OR2G6: variants seen among roughly 807,000 people sequenced by gnomAD.
The protein encoded by OR2G6 is olfactory receptor 2G6.
For synonymous variants in OR2G6, 183 were observed against 155.2 expected (o/e 1.18, Z -1.33); for missense variants, 457 against 391.3 (o/e 1.17, Z -1.42).
chr1:248,521,225 AATAT>A (rs144719989), intron 1 of OR2G6, among the ~76,000 whole-genome samples: 9 of 151,910 alleles, frequency 5.9e-5, no homozygotes, highest in Admixed American at 1.3e-4. Flanking sequence ...CATCTCAAAA[AATAT>A]ATATATTTGT....
intron 1 of OR2G6, among the ~76,000 whole-genome samples, chr1:248,521,365 G>A (rs1402547783): frequency 6.6e-6 from 1 of 152,100 alleles, no homozygotes; most frequent in Admixed American, 6.6e-5. Context: ...TAAGCAAAGA[G>A]TGAATAAATA....
chr1:248,520,587 T>C (rs1664262453), intron 1 of OR2G6, among the ~76,000 whole-genome samples: 1 of 152,154 alleles, frequency 6.6e-6, no homozygotes, highest in African/African-American at 2.4e-5. Context: ...AAGATTTGTA[T>C]AGAGGTCGGG....
In OR2G6 at chr1:248,521,967, G is replaced by C. The variant is rs2103061397; in HGVS notation, c.321G>C (p.Leu107Phe). Residue 107 changes from leucine to phenylalanine, a missense_variant, in exon 2 of 2, where the codon TTG becomes TTC. Coordinates refer to ENST00000641804, the MANE Select transcript of OR2G6 (RefSeq NM_001013355.2). ...CCCAGCTCTATGTGGCCATGGGGTT[G>C]GGCTCGTCTGAGTGTATTCTCTTGG... ...CVAQLYVAMG[L>F]GSSECILLAV... The C allele has an allele frequency of 6.2e-7, 1 of 1,614,136 alleles. No homozygotes were observed. Among genetic ancestry groups the C allele is most frequent in the Non-Finnish European group, 8.5e-7 (1 of 1,180,006 alleles).
Position 248,522,556 on chromosome 1 carries a change from C to A in OR2G6, c.910C>A (p.Leu304Met). ...NKDVKGALRT[L>M]ILGSAAGQSH... ...AGATGTGAAAGGGGCCTTGAGGACC[C>A]TGATACTGGGTAGTGCTGCTGGACA... is the stretch of plus-strand genomic sequence containing the variant. Residue 304 changes from leucine to methionine, a missense_variant, in exon 2 of 2, where the codon CTG becomes ATG. Transcript: ENST00000641804. 2.5e-6 allele frequency: 4 copies of A among 1,613,746 alleles called. No homozygotes were observed. Among genetic ancestry groups the A allele is most frequent in the Non-Finnish European group, 3.4e-6 (4 of 1,179,910 alleles).
Position 248,522,587 on chromosome 1 carries a change from A to C in OR2G6, c.941A>C (p.His314Pro). The change falls in exon 2 of 2, where the codon CAC becomes CCC. Residue 314 changes from histidine to proline, a missense_variant. Coordinates refer to ENST00000641804, the MANE Select transcript of OR2G6 (RefSeq NM_001013355.2). The stretch of plus-strand genomic sequence containing the variant: ...CTGGGTAGTGCTGCTGGACAAAGCC[A>C]CAAGGACTAGGAAACACCTGGAATT... ...LILGSAAGQS[H>P]KD 6.2e-7 allele frequency: 1 copy of C among 1,604,564 alleles called. No individual in the cohort carries two copies. The highest frequency in any genetic ancestry group is 8.5e-7 in the Non-Finnish European group (1 of 1,176,426).
chr1:248,522,093 G>T lies in OR2G6; in HGVS notation c.447G>T (p.Trp149Cys), dbSNP rs771155581. ...RFCASLAGGA[W>C]LSGLITSLIQ... ...GTGCGTCTCTGGCCGGTGGAGCATG[G>T]CTCAGCGGCCTCATCACCTCCCTAA... Residue 149 changes from tryptophan to cysteine, a missense_variant, in exon 2 of 2, where the codon TGG becomes TGT. Coordinates refer to ENST00000641804, the MANE Select transcript of OR2G6 (RefSeq NM_001013355.2). The T allele has an allele frequency of 6.2e-7, 1 of 1,614,156 alleles. No homozygotes were observed. Among genetic ancestry groups the T allele is most frequent in the South Asian group, 1.1e-5 (1 of 91,088 alleles).
rs1445661983 is a variant in OR2G6 at position 248,524,203 on chromosome 1, T to G, written c.*1606T>G. ...CTGCGCACACAAGAACAAAAAGGCA[T>G]CAGGAGAATTCACTAATGACTCAGG... On this transcript the variant is annotated 3_prime_UTR_variant, in exon 2 of 2. Transcript: ENST00000641804. The G allele has an allele frequency of 6.6e-6, 1 of 152,216 alleles. No homozygotes were observed. The highest frequency in any genetic ancestry group is 2.1e-4 in the South Asian group (1 of 4,832). The allele number at this position is 152,216 out of a possible 1,614,324, so 9.4% of individuals were successfully genotyped here.
In OR2G6 at chr1:248,525,305, G is replaced by A. The variant is rs933068646; in HGVS notation, c.*2708G>A. 2.6e-5 allele frequency: 4 copies of A among 152,008 alleles called. No homozygotes were observed. The East Asian group carries it at 5.8e-4, about 22-fold the overall frequency. The allele number at this position is 152,008 out of a possible 1,614,324, so 9.4% of individuals were successfully genotyped here. A position where few individuals can be genotyped will look rare whatever the true frequency, so the allele number is the denominator to read the frequency against. On this transcript the variant is annotated 3_prime_UTR_variant, in exon 2 of 2. Coordinates refer to ENST00000641804, the MANE Select transcript of OR2G6 (RefSeq NM_001013355.2). ...ATTACTAGCTTGATCTGCAGAACAC[G>A]TTTTCAAAGGATGCGCCAAGAAAAA...
rs1298555137 is a variant in OR2G6 at position 248,526,849 on chromosome 1, T to C, written c.*4252T>C. The C allele has an allele frequency of 1.3e-5, 2 of 152,020 alleles. No individual in the cohort carries two copies. The highest frequency in any genetic ancestry group is 3.8e-4 in the East Asian group (2 of 5,196). 9.4% of individuals were successfully genotyped at this position (152,020 alleles called of 1,614,324 possible). ...CCCACTTTTTGATGGGTTTTTTTTT[T>C]CTTGTAAATTTGTTTGAGTTCTTTG... is the stretch of plus-strand genomic sequence containing the variant. On this transcript the variant is annotated 3_prime_UTR_variant, in exon 2 of 2. Transcript: ENST00000641804.
chr1:248,520,524 T>C (rs181089153), intron 1 of OR2G6, among the ~76,000 whole-genome samples: 8 of 152,012 alleles, frequency 5.3e-5, no homozygotes, highest in Middle Eastern at 3.4e-3. Flanking sequence ...TCCCTTTTAT[T>C]TTGACTTGGC....
chr1:248,522,708 G>A lies in OR2G6; in HGVS notation c.*111G>A. 1 of 689,938 alleles carries A rather than the reference G, an allele frequency of 1.4e-6. No individual in the cohort carries two copies. The highest frequency in any genetic ancestry group is 2.0e-5 in the South Asian group (1 of 50,340). 42.7% of individuals were successfully genotyped at this position (689,938 alleles called of 1,614,324 possible). A position where few individuals can be genotyped will look rare whatever the true frequency, so the allele number is the denominator to read the frequency against. On this transcript the variant is annotated 3_prime_UTR_variant, in exon 2 of 2. Coordinates refer to ENST00000641804, the MANE Select transcript of OR2G6 (RefSeq NM_001013355.2). ...AAGCCACAGGGACTAGGAAGCATTG[G>A]AATTCTAAAGAAGGGAAACACCTCA...
In OR2G6 at chr1:248,522,566, G is replaced by A. The variant is rs780077913; in HGVS notation, c.920G>A (p.Gly307Asp). The change falls in exon 2 of 2, where the codon GGT (glycine) becomes GAT (aspartate). Residue 307 changes from glycine to aspartate, a missense_variant. By Grantham distance (94) the Gly-to-Asp change is moderately conservative. Coordinates refer to ENST00000641804, the MANE Select transcript of OR2G6 (RefSeq NM_001013355.2). ...VKGALRTLIL[G>D]SAAGQSHKD ...GGGGCCTTGAGGACCCTGATACTGGGTAGTGCTGCTGGACAAAGCCACAAG... is the reference window on the plus strand; with the variant it reads ...GGGGCCTTGAGGACCCTGATACTGGATAGTGCTGCTGGACAAAGCCACAAG... 4 of 1,612,646 alleles carry A rather than the reference G, an allele frequency of 2.5e-6. No individual in the cohort carries two copies. Among genetic ancestry groups the A allele is most frequent in the South Asian group, 1.1e-5 (1 of 90,960 alleles).
chr1:248,520,941 G>A (rs1361682801), intron 1 of OR2G6, among the ~76,000 whole-genome samples: 3 of 149,480 alleles, frequency 2.0e-5, no homozygotes, highest in Non-Finnish European at 4.4e-5. Context: ...CTACTTGGGA[G>A]GCTAAGGCAG....
rs1198604372 is a variant in OR2G6, at chr1:248,526,562, CTG to C, written c.*3968_*3969del. ...CTTCAGGAGTCTCAACAGCTTCTCA[CTG>C]TGCAAAGTAGAGAGAAATTCCCTTT... On this transcript the variant is annotated 3_prime_UTR_variant, in exon 2 of 2. Coordinates refer to ENST00000641804, the MANE Select transcript of OR2G6 (RefSeq NM_001013355.2). 2 of 152,228 alleles carry C rather than the reference CTG, an allele frequency of 1.3e-5. No homozygotes were observed. Among genetic ancestry groups the C allele is most frequent in the African/African-American group, 4.8e-5 (2 of 41,452 alleles). The allele number at this position is 152,228 out of a possible 1,614,324, so 9.4% of individuals were successfully genotyped here.
chr1:248,524,091 G>A lies in OR2G6; in HGVS notation c.*1494G>A, dbSNP rs1266257439. ...CAGATTTATAATAATTCATCCTGGT[G>A]TGAGAATATTGTAGCCTGTCTACGA... On this transcript the variant is annotated 3_prime_UTR_variant, in exon 2 of 2. Transcript: ENST00000641804. The A allele has an allele frequency of 6.6e-6, 1 of 152,084 alleles. No individual in the cohort carries two copies. Among genetic ancestry groups the A allele is most frequent in the Admixed American group, 6.6e-5 (1 of 15,258 alleles). The allele number at this position is 152,084 out of a possible 1,614,324, so 9.4% of individuals were successfully genotyped here. A position where few individuals can be genotyped will look rare whatever the true frequency, so the allele number is the denominator to read the frequency against.
rs755271659 is a variant in OR2G6, at chr1:248,526,043, G to A, written c.*3446G>A. 6.6e-6 allele frequency: 1 copy of A among 151,740 alleles called. No homozygotes were observed. The highest frequency in any genetic ancestry group is 1.9e-4 in the East Asian group (1 of 5,174). The allele number at this position is 151,740 out of a possible 1,614,324, so 9.4% of individuals were successfully genotyped here. On this transcript the variant is annotated 3_prime_UTR_variant, in exon 2 of 2. Transcript: ENST00000641804. ...AAAAAAAAAAGAAAAAAATGTATAT[G>A]TTATCACTTTGGTCTCATTTGAGTA...
In OR2G6 at chr1:248,523,710, G is replaced by C. The variant is rs1664339827; in HGVS notation, c.*1113G>C. 1 of 152,058 alleles carries C rather than the reference G, an allele frequency of 6.6e-6. No individual in the cohort carries two copies. Among genetic ancestry groups the C allele is most frequent in the Non-Finnish European group, 1.5e-5 (1 of 68,024 alleles). The allele number at this position is 152,058 out of a possible 1,614,324, so 9.4% of individuals were successfully genotyped here. A position where few individuals can be genotyped will look rare whatever the true frequency, so the allele number is the denominator to read the frequency against. On this transcript the variant is annotated 3_prime_UTR_variant, in exon 2 of 2. Coordinates refer to ENST00000641804, the MANE Select transcript of OR2G6 (RefSeq NM_001013355.2). ...TCTCTGTGTATCTTTGTGTGTCTCA[G>C]CCTCTTTCTTGCTTTCTTTTCCCAA...
At position 248,523,092 on chromosome 1, in the gene OR2G6, T is replaced by A; in HGVS notation, c.*495T>A. 1 of 156,286 alleles carries A rather than the reference T, an allele frequency of 6.4e-6. No individual in the cohort carries two copies. Among genetic ancestry groups the A allele is most frequent in the Admixed American group, 6.2e-5 (1 of 16,162 alleles). The allele number at this position is 156,286 out of a possible 1,614,324, so 9.7% of individuals were successfully genotyped here. ...GCAGAATTAACTGTTTCATAATATG[T>A]TTCCATAGCACTTGATCCACACTAC... is the stretch of plus-strand genomic sequence containing the variant. On this transcript the variant is annotated 3_prime_UTR_variant, in exon 2 of 2. Transcript: ENST00000641804.
At chr1:248,508,670 T>C (rs1367963579) in intron 1 of OR2G6, among the ~76,000 whole-genome samples, 1 of 19,538 alleles carries the variant, frequency 5.1e-5, no homozygotes. Context: ...TTCAAAGGAT[T>C]GAAATGTAGT....
Sources: gnomAD v4.1 joint callset for allele counts (sites outside exome capture counted in the v4.1 genomes callset) on GRCh38, gnomAD v4.1.1 for gene constraint, MANE v1.5 for transcripts, NCBI Gene and HGNC (gene_info 2026-07-23, HGNC 2026-07-21) for gene names.